Variants in DAB1 observed in about 807,000 individuals in gnomAD.
DAB1 encodes DAB adaptor protein 1, also known as disabled homolog 1.
DAB1 carries 15 observed loss-of-function variants against 64.6 expected under a neutral mutation model. The observed-to-expected ratio is 0.23, with a 90% CI of 0.16 to 0.36. The LOEUF is 0.36. DAB1 is among the 10% of genes least tolerant of loss of function. The pLI is 1.00. For missense variants in DAB1, 596 were observed against 706.7 expected (o/e 0.84, Z 1.78); for synonymous variants, 235 against 251.9 (o/e 0.93, Z 0.64).
At chr1:58,018,607 G>T (rs1646775716) in intron 5 of DAB1, among the ~76,000 whole-genome samples, 1 of 152,170 alleles carries the variant, frequency 6.6e-6, no homozygotes, top group African/African-American at 2.4e-5. Flanking sequence ...GCAAGAAAAG[G>T]GTTGGGGACA....
At chr1:57,922,913 T>A (rs1213837067) in intron 5 of DAB1, among the ~76,000 whole-genome samples, 1 of 150,748 alleles carries the variant, frequency 6.6e-6, no homozygotes, top group Non-Finnish European at 1.5e-5. Context: ...ATATTCTTAA[T>A]CTCTTTTTGA....
At chr1:57,957,755 G>A (rs1020843050) in intron 5 of DAB1, among the ~76,000 whole-genome samples, 1 of 152,144 alleles carries the variant, frequency 6.6e-6, no homozygotes, top group African/African-American at 2.4e-5. Flanking sequence ...TGCAACATGG[G>A]CAGAAACCAG....
chr1:57,165,343 C>A (rs1404341736), intron 2 of DAB1, among the ~76,000 whole-genome samples: 1 of 152,070 alleles, frequency 6.6e-6, no homozygotes, highest in African/African-American at 2.4e-5. Context: ...TCAATATGGT[C>A]TATAAACATG....
chr1:58,339,261 A>G (rs1025327850), intron 4 of DAB1, among the ~76,000 whole-genome samples: 1 of 152,216 alleles, frequency 6.6e-6, no homozygotes, highest in African/African-American at 2.4e-5. Context: ...ATGTTCTACA[A>G]GATGAGATTT....
At chr1:57,579,576 C>T (rs183983115) in intron 7 of DAB1, among the ~76,000 whole-genome samples, 2 of 152,228 alleles carry the variant, frequency 1.3e-5, no homozygotes, top group African/African-American at 2.4e-5. Context: ...ATTACAGACT[C>T]GTGGGTTTGA....
chr1:58,108,739 A>C (rs1369998350), intron 5 of DAB1, among the ~76,000 whole-genome samples: 1 of 152,210 alleles, frequency 6.6e-6, no homozygotes, highest in Non-Finnish European at 1.5e-5. Flanking sequence ...CAATTCCAAA[A>C]ATAACAATTT....
intron 5 of DAB1, among the ~76,000 whole-genome samples, chr1:57,966,522 A>G (rs980009525): frequency 6.6e-6 from 1 of 152,170 alleles, no homozygotes; most frequent in Non-Finnish European, 1.5e-5. Flanking sequence ...ACCTGCTAGC[A>G]GAATGTAGCT....
In DAB1 at chr1:58,118,469, C is replaced by CTCAT. The variant is rs1652485398; in HGVS notation, n.387+32041_387+32042insATGA. On this transcript the variant is annotated intron_variant and non_coding_transcript_variant, in intron 5 of 20. Transcript: ENST00000485760. ...CATGATGCCAGGCACTATCCTAAGG[C>CTCAT]ATATATATATATATATATATATATA... Among the ~76,000 whole-genome samples the CTCAT allele has an allele frequency of 1.2e-3, 26 of 22,038 alleles. 1 individual carries two copies. Among genetic ancestry groups the CTCAT allele is most frequent in the African/African-American group, 6.2e-3 (26 of 4,180 alleles). 14.5% of individuals were successfully genotyped at this position (22,038 alleles called of 152,430 possible).
chr1:57,140,005 G>A (rs893653008), intron 3 of DAB1, among the ~76,000 whole-genome samples: 10 of 152,102 alleles, frequency 6.6e-5, no homozygotes, highest in African/African-American at 2.4e-4. Flanking sequence ...GTCAAGCTCT[G>A]AAAAACTGCA....
chr1:58,344,777 A>G (rs531088219), intron 3 of DAB1, among the ~76,000 whole-genome samples: 3 of 152,328 alleles, frequency 2.0e-5, no homozygotes, highest in African/African-American at 4.8e-5. Flanking sequence ...CATTTGTAAC[A>G]GGGGAATATT....
chr1:58,054,603 T>C (rs1647930667), intron 5 of DAB1, among the ~76,000 whole-genome samples: 1 of 152,228 alleles, frequency 6.6e-6, no homozygotes, highest in African/African-American at 2.4e-5. Context: ...CATTGGCTGT[T>C]GGGACATAAA....
At chr1:57,722,964 T>C (rs1020858162) in intron 6 of DAB1, among the ~76,000 whole-genome samples, 1 of 152,132 alleles carries the variant, frequency 6.6e-6, no homozygotes, top group African/African-American at 2.4e-5. Flanking sequence ...AGGGATCATT[T>C]CAGTGCACTC....
At chr1:57,427,854 G>A (rs1685347781), upstream of DAB1, among the ~76,000 whole-genome samples, 1 of 152,146 alleles carries the variant, frequency 6.6e-6, no homozygotes. Context: ...TTTTGTGCAT[G>A]TGATAAGAAC....
intron 3 of DAB1, among the ~76,000 whole-genome samples, chr1:58,435,290 T>C (rs1449003566): frequency 1.3e-5 from 2 of 152,240 alleles, no homozygotes; most frequent in Non-Finnish European, 2.9e-5. Context: ...TCTGTCTCTA[T>C]GACTGGCTTA....
intron 5 of DAB1, among the ~76,000 whole-genome samples, chr1:57,999,690 C>T (rs968605305): frequency 1.3e-5 from 2 of 152,116 alleles, no homozygotes; most frequent in Non-Finnish European, 2.9e-5. Flanking sequence ...ATGCACTGGA[C>T]GGCCCCCAGG....
chr1:58,016,919 C>T (rs1646748496), intron 5 of DAB1, among the ~76,000 whole-genome samples: 1 of 152,186 alleles, frequency 6.6e-6, no homozygotes, highest in African/African-American at 2.4e-5. Context: ...CCAGCCTCTA[C>T]ACTAGGCACT....
At chr1:58,536,769 C>G (rs1646522905) in intron 1 of DAB1, 8 of 861,708 alleles carry the variant, frequency 9.3e-6, no homozygotes, top group Non-Finnish European at 1.6e-5. Context: ...ATTCAAAGTT[C>G]TGAAAATCAT....
chr1:57,510,192 G>A (rs79903655), intron 7 of DAB1, among the ~76,000 whole-genome samples: 5 of 152,148 alleles, frequency 3.3e-5, no homozygotes, highest in East Asian at 3.9e-4. Context: ...TGGCTTCCAC[G>A]CCTCTCCCAA....
intron 7 of DAB1, among the ~76,000 whole-genome samples, chr1:57,514,861 T>TA (rs1247893302): frequency 9.8e-5 from 15 of 152,346 alleles, no homozygotes; most frequent in African/African-American, 3.1e-4. Flanking sequence ...ATAGGTTTGA[T>TA]AATAGTATTT....
Sources: allele counts gnomAD v4.1 joint callset (sites outside exome capture counted in the v4.1 genomes callset), GRCh38; gene constraint gnomAD v4.1.1; transcripts MANE v1.5; gene names NCBI Gene and HGNC (gene_info 2026-07-23, HGNC 2026-07-21).